The following CSMD2 variants were observed in gnomAD, a reference collection of about 807,000 sequenced individuals.
The protein encoded by CSMD2 is CUB and Sushi multiple domains 2.
A neutral mutation model predicts 398.5 loss-of-function variants in CSMD2; 130 were observed. The ratio of observed to expected loss-of-function variants is 0.33; its 90% confidence interval spans 0.28 to 0.38. The LOEUF (loss-of-function observed/expected upper bound fraction) is 0.38, where lower values mean the gene tolerates loss of function less well. Ranked by LOEUF, CSMD2 falls within the 10% of genes least tolerant of loss-of-function variation. The pLI is 1.00. For synonymous variants in CSMD2, 1,828 were observed against 1,908.5 expected, an observed-to-expected ratio of 0.96 and a Z score of 1.10; for missense variants, 3,829 against 4,764.9, an observed-to-expected ratio of 0.80 and a Z score of 5.78.
intron 2 of CSMD2, among the ~76,000 whole-genome samples, chr1:34,074,979 C>T (rs1013578331): frequency 6.6e-6 from 1 of 152,208 alleles, no homozygotes; most frequent in Admixed American, 6.5e-5. Context: ...CCAGTCATAG[C>T]ACTTATACCC....
chr1:33,553,698 G>A (rs780642083), intron 55 of CSMD2, among the ~76,000 whole-genome samples: 12 of 152,108 alleles, frequency 7.9e-5, no homozygotes, highest in African/African-American at 2.7e-4. Flanking sequence ...GAATGCAAAG[G>A]AAAAGTTCCT....
At chr1:34,086,410 C>T (rs532504599) in intron 2 of CSMD2, among the ~76,000 whole-genome samples, 17 of 152,288 alleles carry the variant, frequency 1.1e-4, no homozygotes, top group African/African-American at 2.9e-4. Flanking sequence ...TTCAAGTGCA[C>T]GTTAAGTGCC....
Position 33,880,981 on chromosome 1 carries a change from C to A in CSMD2, c.921-33985G>T, listed in dbSNP as rs531841285. On this transcript the variant is annotated intron_variant, in intron 5 of 70. Transcript: ENST00000373381. ...ATTTTTGGACCTTCATGCTCTGGGA[C>A]AAAAATATATTTATGATGCCCAGGC... Among the ~76,000 whole-genome samples the A allele has an allele frequency of 9.2e-4, 139 of 150,816 alleles. 1 individual carries two copies. Among genetic ancestry groups the A allele is most frequent in the Middle Eastern group, 3.5e-3 (1 of 288 alleles).
intron 29 of CSMD2, among the ~76,000 whole-genome samples, chr1:33,638,085 C>T (rs1642908519): frequency 6.6e-6 from 1 of 152,182 alleles, no homozygotes. Context: ...GAGAGTGGAG[C>T]AGCTCTGGAT....
intron 58 of CSMD2, among the ~76,000 whole-genome samples, chr1:33,542,220 A>G (rs183416005): frequency 7.0e-4 from 106 of 152,312 alleles, no homozygotes; most frequent in African/African-American, 2.3e-3. Context: ...GAAGCAAGAA[A>G]TTGGAGCTGT....
chr1:33,535,722 G>T lies in CSMD2; in HGVS notation c.9879+1300C>A, dbSNP rs137875094. ...TCCTCCCTCACGGGGCTGCAGACTT[G>T]CTAGCTGGCCTACTTTCCAGGCCCC... On this transcript the variant is annotated intron_variant, in intron 62 of 70. Coordinates refer to ENST00000373381, the MANE Select transcript of CSMD2 (RefSeq NM_001281956.2). 3.5e-3 allele frequency among the ~76,000 whole-genome samples: 537 copies of T among 152,258 alleles called. 1 individual carries two copies. Among genetic ancestry groups the T allele is most frequent in the Admixed American group, 9.1e-3 (139 of 15,296 alleles).
rs147381775 is a variant in CSMD2 at position 33,595,434 on chromosome 1, C to T, written c.6856+5431G>A. Among the ~76,000 whole-genome samples, 15 of 152,262 alleles carry T rather than the reference C, an allele frequency of 9.9e-5. No individual in the cohort carries two copies. In the Middle Eastern group the frequency reaches 0.014, roughly 138 times the overall value. On this transcript the variant is annotated intron_variant, in intron 44 of 70. Transcript: ENST00000373381. ...ATTATTGATGAGGTGGGCGTGTCTTCCAGTCTTCTCCACTTCTTTTTCCCT... is the reference window on the plus strand; with the variant it reads ...ATTATTGATGAGGTGGGCGTGTCTTTCAGTCTTCTCCACTTCTTTTTCCCT...
chr1:34,063,133 G>A (rs1654711641), intron 2 of CSMD2, among the ~76,000 whole-genome samples: 1 of 152,158 alleles, frequency 6.6e-6, no homozygotes, highest in African/African-American at 2.4e-5. Context: ...CCTTCCCACA[G>A]CATGTAGGAA....
At chr1:34,119,772 G>A (rs746204762) in intron 1 of CSMD2, among the ~76,000 whole-genome samples, 43 of 152,226 alleles carry the variant, frequency 2.8e-4, no homozygotes, top group Non-Finnish European at 5.7e-4. Context: ...AAAATGGCAA[G>A]TGTTGGTGAG....
chr1:33,524,877 C>G lies in CSMD2; in HGVS notation c.10396+5G>C, dbSNP rs377744817. 2 of 1,613,924 alleles carry G rather than the reference C, an allele frequency of 1.2e-6. No individual in the cohort carries two copies. The highest frequency in any genetic ancestry group is 1.7e-6 in the Non-Finnish European group (2 of 1,179,964). On this transcript the variant is annotated splice_donor_5th_base_variant and intron_variant, in intron 66 of 70. Transcript: ENST00000373381. ...CCGGCTTTCATAGAGGGGCCTGCTCCTTACCAGCCAAGTGCAGCTCCACGC... is the reference window on the plus strand; with the variant it reads ...CCGGCTTTCATAGAGGGGCCTGCTCGTTACCAGCCAAGTGCAGCTCCACGC...
intron 3 of CSMD2, among the ~76,000 whole-genome samples, chr1:33,988,794 G>A (rs1244043660): frequency 6.6e-6 from 1 of 151,542 alleles, no homozygotes. Context: ...TTCAAAATAC[G>A]ATCTGCTAAT....
intron 5 of CSMD2, among the ~76,000 whole-genome samples, chr1:33,902,852 T>C (rs1024196162): frequency 4.6e-5 from 7 of 152,192 alleles, no homozygotes; most frequent in African/African-American, 1.7e-4. Context: ...CCTTTCCTCC[T>C]GTCTCTCTGG....
At chr1:33,689,072 GAAGGAGGGAAGGA>G (rs1166836571) in intron 25 of CSMD2, among the ~76,000 whole-genome samples, 2 of 143,718 alleles carry the variant, frequency 1.4e-5, no homozygotes, top group Non-Finnish European at 3.1e-5. Context: ...GAGTGGGAAA[GAAGGAGGGAAGGA>G]GAGGAGGAGA....
intron 29 of CSMD2, among the ~76,000 whole-genome samples, chr1:33,640,535 A>T (rs1273970481): frequency 1.3e-5 from 2 of 152,244 alleles, no homozygotes; most frequent in Non-Finnish European, 2.9e-5. Context: ...ATTACGAAGC[A>T]GAGCTGAGCA....
chr1:33,608,175 TG>T (rs1169893459), intron 41 of CSMD2, among the ~76,000 whole-genome samples: 2 of 141,202 alleles, frequency 1.4e-5, no homozygotes, highest in Non-Finnish European at 3.1e-5. Context: ...CAGGGCTCTG[TG>T]GGGGTAGTTA....
intron 44 of CSMD2, among the ~76,000 whole-genome samples, chr1:33,590,594 A>ATC (rs1235416143): frequency 6.8e-5 from 3 of 44,046 alleles, no homozygotes; most frequent in South Asian, 1.0e-3. Context: ...CCTATTTCCC[A>ATC]TCACACACAC....
chr1:34,029,762 C>T lies in CSMD2; in HGVS notation c.517+2832G>A, dbSNP rs188451796. On this transcript the variant is annotated intron_variant, in intron 3 of 70. Coordinates refer to ENST00000373381, the MANE Select transcript of CSMD2 (RefSeq NM_001281956.2). ...ACAGGTGACTGCATAGAGACTCGCT[C>T]GGCTACAGCAATCTGTTAGCATTGG... 4.4e-3 allele frequency among the ~76,000 whole-genome samples: 673 copies of T among 152,348 alleles called. 20 individuals are homozygous for T. Among genetic ancestry groups the T allele is most frequent in the Admixed American group, 0.04 (609 of 15,310 alleles).
chr1:33,743,185 C>T lies in CSMD2; in HGVS notation c.2173+95G>A, dbSNP rs1040766742. The T allele has an allele frequency of 1.0e-5, 11 of 1,070,264 alleles. No individual in the cohort carries two copies. The African/African-American group carries it at 1.6e-4, about 16-fold the overall frequency. 66.3% of individuals were successfully genotyped at this position (1,070,264 alleles called of 1,614,324 possible). ...TGCAATGCCCTGGGAACTGCCCCAT[C>T]CACACCTCCTCCTCCCTCCATGGGA... On this transcript the variant is annotated intron_variant, in intron 14 of 70. Coordinates refer to ENST00000373381, the MANE Select transcript of CSMD2 (RefSeq NM_001281956.2).
In CSMD2 at chr1:33,820,538, G is replaced by A; in HGVS notation, c.1130C>T (p.Ser377Phe). 7.5e-7 allele frequency: 1 copy of A among 1,337,610 alleles called. No individual in the cohort carries two copies. The highest frequency in any genetic ancestry group is 1.8e-5 in the Admixed American group (1 of 54,870). The allele number at this position is 1,337,610 out of a possible 1,614,324, so 82.9% of individuals were successfully genotyped here. A position where few individuals can be genotyped will look rare whatever the true frequency, so the allele number is the denominator to read the frequency against. ...KTSVLTQVGV[S>F]QGHNMCPDPG... ...GTCTGGACACATATTATGTCCTTGG[G>A]ACACACCAACCTGAGTTACTACAAG... is the stretch of plus-strand genomic sequence containing the variant. The change falls in exon 8 of 71, where the codon TCC becomes TTC. Residue 377 changes from serine to phenylalanine, a missense_variant. This residue lies in a region of CSMD2 where 2,001 missense variants were observed against 2,567.1 expected (regional missense o/e 0.78). Coordinates refer to ENST00000373381, the MANE Select transcript of CSMD2 (RefSeq NM_001281956.2).
Sources: gnomAD v4.1 joint callset for allele counts (sites outside exome capture counted in the v4.1 genomes callset) on GRCh38, gnomAD v4.1.1 for gene constraint, gnomAD v4.1.1 regional missense constraint, MANE v1.5 for transcripts, NCBI Gene and HGNC (gene_info 2026-07-23, HGNC 2026-07-21) for gene names.